METTL3: variants seen among roughly 807,000 people sequenced by gnomAD.
METTL3 encodes methyltransferase 3, N6-adenosine-methyltransferase complex catalytic subunit.
A neutral mutation model predicts 64.3 loss-of-function variants in METTL3; 42 were observed. That is an observed-to-expected ratio of 0.65 (90% confidence interval 0.51 to 0.84). The LOEUF is 0.84. METTL3 is among the 40% of genes least tolerant of loss of function. The pLI is 0.00. For synonymous variants in METTL3, 256 were observed against 263.6 expected (o/e 0.97, Z 0.28); for missense variants, 435 against 722.3 (o/e 0.60, Z 4.56).
intron 10 of METTL3, chr14:21,498,769 G>A: frequency 2.0e-6 from 1 of 496,702 alleles, no homozygotes; most frequent in Non-Finnish European, 3.6e-6. Flanking sequence ...ATCACAGAAT[G>A]GCTGAGGAAG....
chr14:21,502,782 C>T lies in METTL3; in HGVS notation c.723+391G>A, dbSNP rs1237049819. ...TCTAGTATTCCTCTCCATTCATCTC[C>T]CTATATTTCTATATATTTGGATTCC... On this transcript the variant is annotated intron_variant, in intron 3 of 10. Transcript: ENST00000298717. 6.1e-5 allele frequency: 11 copies of T among 180,872 alleles called. No homozygotes were observed. The East Asian group carries it at 1.4e-3, about 23-fold the overall frequency. 11.2% of individuals were successfully genotyped at this position (180,872 alleles called of 1,614,324 possible). A position where few individuals can be genotyped will look rare whatever the true frequency, so the allele number is the denominator to read the frequency against.
chr14:21,510,495 A>G (rs1307155648), intron 1 of METTL3: 1 of 152,226 alleles, frequency 6.6e-6, no homozygotes, highest in Non-Finnish European at 1.5e-5. Flanking sequence ...TTAATCTTTT[A>G]AATTTCCTTC....
chr14:21,511,265 G>C lies in METTL3; in HGVS notation c.-42C>G, dbSNP rs138269336. ...TGACACCTCTCGAATAAGGCGCGGC[G>C]GACTAGCACCTCCCAGCACTCGCTC... On this transcript the variant is annotated 5_prime_UTR_variant, in exon 1 of 11. Coordinates refer to ENST00000298717, the MANE Select transcript of METTL3 (RefSeq NM_019852.5). 3.1e-6 allele frequency: 5 copies of C among 1,593,234 alleles called. No individual in the cohort carries two copies. The South Asian group carries it at 4.5e-5, about 14-fold the overall frequency.
At position 21,511,251 on chromosome 14, in the gene METTL3, G is replaced by A. The variant is rs372269830; in HGVS notation, c.-28C>T. On this transcript the variant is annotated 5_prime_UTR_variant, in exon 1 of 11. Coordinates refer to ENST00000298717, the MANE Select transcript of METTL3 (RefSeq NM_019852.5). Reference sequence around the variant, plus strand: ...TAGTCTCCCAGCCCTGACACCTCTCGAATAAGGCGCGGCGGACTAGCACCT... The same window carrying A: ...TAGTCTCCCAGCCCTGACACCTCTCAAATAAGGCGCGGCGGACTAGCACCT... 41 of 1,606,372 alleles carry A rather than the reference G, an allele frequency of 2.6e-5. No homozygotes were observed. The highest frequency in any genetic ancestry group is 3.4e-5 in the Non-Finnish European group (40 of 1,176,716).
chr14:21,507,311 T>A (rs774394237), intron 1 of METTL3, among the ~76,000 whole-genome samples: 2 of 152,236 alleles, frequency 1.3e-5, no homozygotes, highest in Non-Finnish European at 2.9e-5. Context: ...TATATCCTTG[T>A]CTTTTGACAC....
intron 7 of METTL3, 76 bp from the exon 8 acceptor site, chr14:21,499,676 G>A: frequency 6.3e-7 from 1 of 1,579,136 alleles, no homozygotes; most frequent in Non-Finnish European, 8.7e-7. Context: ...ATAGAAGCAA[G>A]GAATCACAGA....
At chr14:21,501,515 C>A (rs896489480) in intron 4 of METTL3, 1 of 633,128 alleles carries the variant, frequency 1.6e-6, no homozygotes, top group African/African-American at 1.8e-5. Flanking sequence ...AGGGAGGGAG[C>A]TTTTAAAAAA....
intron 1 of METTL3, chr14:21,504,278 A>C: frequency 5.2e-6 from 1 of 192,904 alleles, no homozygotes; most frequent in Non-Finnish European, 1.1e-5. Context: ...TGTAGTGTGA[A>C]TTTTAATGAA....
At chr14:21,498,485 C>G in intron 10 of METTL3, 116 bp from the exon 11 acceptor site, 1 of 904,500 alleles carries the variant, frequency 1.1e-6, no homozygotes, top group Non-Finnish European at 1.7e-6. Flanking sequence ...TATGCCAATT[C>G]TAAAAAGAGC....
chr14:21,503,903 A>G (rs764846447), intron 1 of METTL3, 22 bp from the exon 2 acceptor site: 3 of 1,609,398 alleles, frequency 1.9e-6, no homozygotes, highest in Non-Finnish European at 2.5e-6. Context: ...GAGAAGTGAA[A>G]ATGAAAAAAG....
intron 5 of METTL3, 112 bp downstream of exon 5, chr14:21,500,801 C>T (rs1166369704): frequency 3.5e-6 from 5 of 1,415,994 alleles, no homozygotes; most frequent in Non-Finnish European, 4.8e-6. Flanking sequence ...CCCCTCCATT[C>T]CCAATAAGCA....
chr14:21,509,414 G>A (rs550819299), intron 1 of METTL3: 1 of 152,198 alleles, frequency 6.6e-6, no homozygotes, highest in Non-Finnish European at 1.5e-5. Context: ...GTCCCCTTTT[G>A]CAACTGCCAT....
At chr14:21,498,958 A>C (rs563513268) in intron 10 of METTL3, 67 bp downstream of exon 10, 1 of 1,087,038 alleles carries the variant, frequency 9.2e-7, no homozygotes, top group East Asian at 2.4e-5. Context: ...GTGAAGCTCT[A>C]CTAAGTTCTG....
intron 5 of METTL3, 25 bp downstream of exon 5, chr14:21,500,888 A>T (rs1366946971): frequency 6.2e-7 from 1 of 1,601,822 alleles, no homozygotes; most frequent in Non-Finnish European, 8.5e-7. Flanking sequence ...GTAAGTTGAG[A>T]CGAGTTTTCT....
intron 3 of METTL3, chr14:21,502,870 A>C (rs1026121831): frequency 3.5e-6 from 1 of 289,774 alleles, no homozygotes; most frequent in Non-Finnish European, 6.5e-6. Context: ...ATTTGTCGAC[A>C]TTGGCATTGT....
rs752372342 is a variant in METTL3, at chr14:21,503,889, TGAAGA to T, written c.101-13_101-9del. The T allele has an allele frequency of 3.7e-6, 6 of 1,611,634 alleles. No homozygotes were observed. The highest frequency in any genetic ancestry group is 4.2e-6 in the Non-Finnish European group (5 of 1,178,778). On this transcript the variant is annotated splice_polypyrimidine_tract_variant and intron_variant, in intron 1 of 10. Transcript: ENST00000298717. ...CCTCTGGATTCCGTAGATCTAAGAA[TGAAGA>T]GAAGTGAAAATGAAAAAAGGCAACC...
Position 21,501,062 on chromosome 14 carries a change from T to C in METTL3, c.967A>G (p.Met323Val). The C allele has an allele frequency of 6.2e-7, 1 of 1,614,162 alleles. No individual in the cohort carries two copies. The highest frequency in any genetic ancestry group is 8.5e-7 in the Non-Finnish European group (1 of 1,180,020). ...TAGTGAACATACTTGCAGGTATCCA[T>C]GTGGAAACATGTATTAAGGAAAGAG... ...DCSFLNTCFHMDTCKYVHYEI... is the reference protein window; with the variant it reads ...DCSFLNTCFHVDTCKYVHYEI... Residue 323 changes from methionine to valine, a missense_variant, in exon 5 of 11, where the codon ATG (methionine) becomes GTG (valine). Met to Val is a conservative substitution (Grantham distance 21). This residue lies in a region of METTL3 where 3 missense variants were observed against 35.3 expected (regional missense o/e 0.08). Coordinates refer to ENST00000298717, the MANE Select transcript of METTL3 (RefSeq NM_019852.5).
intron 5 of METTL3, 99 bp from the exon 6 acceptor site, chr14:21,500,781 C>T (rs1318753245): frequency 3.5e-5 from 51 of 1,442,468 alleles, no homozygotes; most frequent in Non-Finnish European, 4.6e-5. Flanking sequence ...CCCTTAAAAG[C>T]TTATCTATCC....
chr14:21,511,204 G>A lies in METTL3; in HGVS notation c.20C>T (p.Ser7Phe), dbSNP rs1891829246. MSDTWS[S>F]IQAHKKQLDS... is the part of the protein sequence containing the mutation. Reference sequence around the variant, plus strand: ...CAGCTGCTTCTTGTGGGCCTGGATAGAGCTCCACGTGTCCGACATCCTAGT... The same window carrying A: ...CAGCTGCTTCTTGTGGGCCTGGATAAAGCTCCACGTGTCCGACATCCTAGT... The change falls in exon 1 of 11, where the codon TCT becomes TTT. Residue 7 changes from serine to phenylalanine, a missense_variant. Ser to Phe is a radical substitution (Grantham distance 155). This residue lies in a region of METTL3 where 228 missense variants were observed against 279.6 expected (regional missense o/e 0.82). Coordinates refer to ENST00000298717, the MANE Select transcript of METTL3 (RefSeq NM_019852.5). 1.2e-6 allele frequency: 2 copies of A among 1,613,940 alleles called. No individual in the cohort carries two copies. The highest frequency in any genetic ancestry group is 1.7e-6 in the Non-Finnish European group (2 of 1,179,938).
Sources: allele counts gnomAD v4.1 joint callset (sites outside exome capture counted in the v4.1 genomes callset), GRCh38; gene constraint gnomAD v4.1.1; regional missense constraint gnomAD v4.1.1; transcripts MANE v1.5; gene names NCBI Gene and HGNC (gene_info 2026-07-23, HGNC 2026-07-21).